STK38L: variants seen among roughly 807,000 people sequenced by gnomAD.
The protein encoded by STK38L is serine/threonine kinase 38 like, also known as serine/threonine-protein kinase 38-like.
STK38L carries 28 observed loss-of-function variants against 59.7 expected under a neutral mutation model. The observed-to-expected ratio is 0.47, with a 90% CI of 0.35 to 0.64. The LOEUF (loss-of-function observed/expected upper bound fraction) is 0.64. Ranked by LOEUF, STK38L falls within the 30% of genes least tolerant of loss-of-function variation. The pLI, the probability that STK38L is intolerant of heterozygous loss-of-function variation, is 0.01. For missense variants in STK38L, 314 were observed against 555.8 expected, an observed-to-expected ratio of 0.56 and a Z score of 4.37; for synonymous variants, 162 against 176.8, an observed-to-expected ratio of 0.92 and a Z score of 0.66.
chr12:27,265,430 A>G (rs1003901141), intron 1 of STK38L, among the ~76,000 whole-genome samples: 1 of 152,114 alleles, frequency 6.6e-6, no homozygotes, highest in East Asian at 1.9e-4. Flanking sequence ...TTGGAGCTCT[A>G]TTATTGAACA....
chr12:27,290,747 T>G (rs1350575637), intron 1 of STK38L, among the ~76,000 whole-genome samples: 1 of 152,128 alleles, frequency 6.6e-6, no homozygotes, highest in African/African-American at 2.4e-5. Context: ...GGTGGGATGT[T>G]GTATTGTAAG....
intron 9 of STK38L, among the ~76,000 whole-genome samples, chr12:27,317,046 T>C (rs1944602958): frequency 6.6e-6 from 1 of 152,144 alleles, no homozygotes; most frequent in Admixed American, 6.5e-5. Flanking sequence ...TATATTCTTA[T>C]AAAATGCCTG....
chr12:27,290,403 A>G (rs1943871419), intron 1 of STK38L, among the ~76,000 whole-genome samples: 1 of 152,200 alleles, frequency 6.6e-6, no homozygotes, highest in Non-Finnish European at 1.5e-5. Context: ...TATGATCTCC[A>G]TTTTAGAAAT....
At position 27,315,062 on chromosome 12, in the gene STK38L, A is replaced by G. The variant is rs1003224193; in HGVS notation, c.720A>G (p.Lys240=). ...TTGGTTTATGTACGGGATTAAAGAA[A>G]GCTCACAGGACTGAATTTTATAGAA... is the stretch of plus-strand genomic sequence containing the variant. ...SDFGLCTGLK[K]AHRTEFYRNL... Residue 240 remains lysine, a synonymous_variant, in exon 8 of 14, where the codon AAA becomes AAG. Transcript: ENST00000389032. 7 of 1,613,438 alleles carry G rather than the reference A, an allele frequency of 4.3e-6. No individual in the cohort carries two copies. The highest frequency in any genetic ancestry group is 1.6e-4 in the Middle Eastern group (1 of 6,080).
chr12:27,285,711 T>C (rs1189335769), intron 1 of STK38L, among the ~76,000 whole-genome samples: 2 of 152,186 alleles, frequency 1.3e-5, no homozygotes, highest in Non-Finnish European at 2.9e-5. Flanking sequence ...ATATGTATTT[T>C]GGACATACCG....
intron 13 of STK38L, 38 bp downstream of exon 13, chr12:27,322,272 T>C: frequency 6.2e-7 from 1 of 1,613,012 alleles, no homozygotes; most frequent in Non-Finnish European, 8.5e-7. Flanking sequence ...CTATTAAAAG[T>C]CTTTGAAGAT....
At chr12:27,263,878 A>G (rs1341135127) in intron 1 of STK38L, among the ~76,000 whole-genome samples, 1 of 152,234 alleles carries the variant, frequency 6.6e-6, no homozygotes, top group Non-Finnish European at 1.5e-5. Flanking sequence ...ATGGCAAGAC[A>G]TGTTCTGAAA....
At chr12:27,260,010 C>A (rs1943172135) in intron 1 of STK38L, among the ~76,000 whole-genome samples, 1 of 152,150 alleles carries the variant, frequency 6.6e-6, no homozygotes, top group South Asian at 2.1e-4. Flanking sequence ...AAGTTTTAAT[C>A]TTTTTGTTGT....
At chr12:27,260,902 A>C (rs948201640) in intron 1 of STK38L, among the ~76,000 whole-genome samples, 2 of 152,186 alleles carry the variant, frequency 1.3e-5, no homozygotes. Flanking sequence ...AATCAAGGCT[A>C]GTTTAACTAG....
chr12:27,271,123 A>T (rs993217334), intron 1 of STK38L, among the ~76,000 whole-genome samples: 11 of 152,202 alleles, frequency 7.2e-5, no homozygotes. Flanking sequence ...TCTATGAGAA[A>T]ACCAAGGCGC....
Position 27,317,955 on chromosome 12 carries a change from A to T in STK38L, c.1015A>T (p.Lys339Ter). 6.2e-7 allele frequency: 1 copy of T among 1,614,044 alleles called. No homozygotes were observed. Among genetic ancestry groups the T allele is most frequent in the South Asian group, 1.1e-5 (1 of 91,072 alleles). ...AACGTACAGAAAAGTGATGAACTGG[A>T]AAGAAACTCTGGTATTTCCTCCAGA... ...QETYRKVMNWKETLVFPPEVP... is the reference protein window; with the variant it reads ...QETYRKVMNW The change falls in exon 11 of 14, where the codon AAA becomes TAA. Residue 339 changes from lysine (K) to a stop codon, truncating the protein, a stop_gained. Coordinates refer to ENST00000389032, the MANE Select transcript of STK38L (RefSeq NM_015000.4). LOFTEE classifies it high-confidence loss of function.
intron 12 of STK38L, among the ~76,000 whole-genome samples, chr12:27,320,857 C>G (rs1555144254): frequency 6.6e-6 from 1 of 150,846 alleles, no homozygotes; most frequent in Non-Finnish European, 1.5e-5. Flanking sequence ...TCTCGGCTCA[C>G]TGCAAGCTCC....
intron 1 of STK38L, among the ~76,000 whole-genome samples, chr12:27,261,855 C>T (rs1052632082): frequency 1.3e-5 from 2 of 152,164 alleles, no homozygotes; most frequent in African/African-American, 4.8e-5. Flanking sequence ...TGATGATAAA[C>T]TTTTATGTAG....
At chr12:27,297,062 T>A (rs1344717413) in intron 1 of STK38L, 1 of 152,224 alleles carries the variant, frequency 6.6e-6, no homozygotes, top group Non-Finnish European at 1.5e-5. Context: ...TGAAATGGGC[T>A]GCACAGTCTG....
intron 13 of STK38L, 22 bp downstream of exon 13, chr12:27,322,256 C>G: frequency 6.2e-7 from 1 of 1,613,378 alleles, no homozygotes; most frequent in Non-Finnish European, 8.5e-7. Flanking sequence ...TGTAATGTAA[C>G]TAACCCTATT....
At chr12:27,247,323 G>A (rs1180046021) in intron 1 of STK38L, among the ~76,000 whole-genome samples, 1 of 152,164 alleles carries the variant, frequency 6.6e-6, no homozygotes, top group Non-Finnish European at 1.5e-5. Context: ...GTACCCATAT[G>A]GCATGCTTAA....
intron 1 of STK38L, among the ~76,000 whole-genome samples, chr12:27,293,229 T>G (rs1482850534): frequency 6.6e-6 from 1 of 152,238 alleles, no homozygotes; most frequent in Non-Finnish European, 1.5e-5. Flanking sequence ...TCCTTAATGT[T>G]CCTCAAAAGT....
At chr12:27,281,993 G>A (rs1235664015) in intron 1 of STK38L, among the ~76,000 whole-genome samples, 1 of 152,128 alleles carries the variant, frequency 6.6e-6, no homozygotes, top group African/African-American at 2.4e-5. Context: ...CCAAGATCAC[G>A]CCATTGCACT....
chr12:27,319,452 G>T (rs752635247), intron 12 of STK38L, 29 bp downstream of exon 12: 8 of 1,547,856 alleles, frequency 5.2e-6, no homozygotes, highest in Non-Finnish European at 4.4e-6. Flanking sequence ...AATGGGAAAG[G>T]TCTGAGTAAA....
Sources: allele counts gnomAD v4.1 joint callset (sites outside exome capture counted in the v4.1 genomes callset), GRCh38; gene constraint gnomAD v4.1.1; transcripts MANE v1.5; gene names NCBI Gene and HGNC (gene_info 2026-07-23, HGNC 2026-07-21).